The following FER variants were observed in gnomAD, a reference collection of about 807,000 sequenced individuals.
The protein encoded by FER is FER tyrosine kinase.
In FER, 63 loss-of-function variants were observed where a neutral mutation model predicts 111.0. The observed-to-expected ratio is 0.57, with a 90% CI of 0.46 to 0.70. The LOEUF is 0.70. FER is among the 30% of genes least tolerant of loss of function. The pLI is 0.00. For synonymous variants in FER, 327 were observed against 313.9 expected (o/e 1.04, Z -0.44); for missense variants, 914 against 954.0 (o/e 0.96, Z 0.55).
At chr5:108,897,986 T>A in intron 10 of FER, 138 bp downstream of exon 10, 1 of 769,814 alleles carries the variant, frequency 1.3e-6, no homozygotes, top group Non-Finnish European at 1.9e-6. Flanking sequence ...TGTTTGTAAA[T>A]GCAAAATAGA....
chr5:109,168,635 A>G (rs1016822984), intron 17 of FER, among the ~76,000 whole-genome samples: 1 of 152,180 alleles, frequency 6.6e-6, no homozygotes, highest in Admixed American at 6.6e-5. Context: ...ATTATTTATC[A>G]TAAACTGGCA....
At chr5:108,940,217 C>A (rs1756068951) in intron 10 of FER, among the ~76,000 whole-genome samples, 1 of 152,040 alleles carries the variant, frequency 6.6e-6, no homozygotes, top group Non-Finnish European at 1.5e-5. Context: ...TAGTCAAAAT[C>A]AAATCTGTAG....
At chr5:109,092,696 T>C (rs553544507) in intron 16 of FER, among the ~76,000 whole-genome samples, 6 of 152,300 alleles carry the variant, frequency 3.9e-5, no homozygotes, top group African/African-American at 1.2e-4. Context: ...GCAAACAGTA[T>C]GGAGCTTCCT....
At chr5:109,031,523 G>A (rs987391932) in intron 13 of FER, among the ~76,000 whole-genome samples, 1 of 152,110 alleles carries the variant, frequency 6.6e-6, no homozygotes, top group Non-Finnish European at 1.5e-5. Flanking sequence ...ACAATAAAGA[G>A]TATTTGGAGA....
At position 109,180,973 on chromosome 5, in the gene FER, A is replaced by G. The variant is rs1758232982; in HGVS notation, c.2203+72A>G. 2.3e-6 allele frequency: 3 copies of G among 1,304,422 alleles called. No homozygotes were observed. In the African/African-American group the frequency reaches 4.5e-5, roughly 20 times the overall value. 80.8% of individuals were successfully genotyped at this position (1,304,422 alleles called of 1,614,324 possible). On this transcript the variant is annotated intron_variant, in intron 18 of 19. Transcript: ENST00000281092. The stretch of plus-strand genomic sequence containing the variant: ...TCAGCATAAAACATTCACAAGCAAT[A>G]TTTACAGGGGTAGCACAGAATGCAA...
intron 16 of FER, among the ~76,000 whole-genome samples, chr5:109,079,747 T>A (rs550996870): frequency 1.3e-5 from 2 of 152,040 alleles, no homozygotes; most frequent in African/African-American, 4.8e-5. Context: ...ACAGAAAATA[T>A]CACATTAGAT....
At chr5:108,993,803 A>T (rs1328456997) in intron 13 of FER, among the ~76,000 whole-genome samples, 1 of 152,066 alleles carries the variant, frequency 6.6e-6, no homozygotes, top group Non-Finnish European at 1.5e-5. Flanking sequence ...TTGTGTCTTA[A>T]CTTTTGATAG....
chr5:109,039,686 G>T (rs150667744), intron 14 of FER, among the ~76,000 whole-genome samples: 1,769 of 152,200 alleles, frequency 0.012, 23 homozygotes, highest in Non-Finnish European at 0.016. Flanking sequence ...TTTGTTTGAA[G>T]AGCAAAGGAA....
At chr5:108,792,943 A>G (rs1325156650) in intron 2 of FER, among the ~76,000 whole-genome samples, 2 of 152,148 alleles carry the variant, frequency 1.3e-5, no homozygotes, top group Non-Finnish European at 2.9e-5. Flanking sequence ...TTTGATACAG[A>G]CATGCAGTGT....
At chr5:109,105,104 G>A (rs1426442163) in intron 17 of FER, among the ~76,000 whole-genome samples, 1 of 152,084 alleles carries the variant, frequency 6.6e-6, no homozygotes, top group Non-Finnish European at 1.5e-5. Flanking sequence ...AAGATTGCCA[G>A]GAAGAGAGTA....
At chr5:108,769,030 T>C (rs570619208) in intron 2 of FER, among the ~76,000 whole-genome samples, 200 of 152,296 alleles carry the variant, frequency 1.3e-3, no homozygotes, top group African/African-American at 4.3e-3. Context: ...TTTTGCCACA[T>C]TGGCCAGGCT....
At chr5:109,072,040 G>C (rs1250422724) in intron 16 of FER, among the ~76,000 whole-genome samples, 3 of 151,342 alleles carry the variant, frequency 2.0e-5, no homozygotes, top group Non-Finnish European at 4.4e-5. Flanking sequence ...AAATCAGAAA[G>C]ATATTTTAGG....
Position 109,192,709 on chromosome 5 carries a change from C to G in FER, c.*5134C>G, listed in dbSNP as rs1260087519. 1 of 152,132 alleles carries G rather than the reference C, an allele frequency of 6.6e-6. No individual in the cohort carries two copies. Among genetic ancestry groups the G allele is most frequent in the Non-Finnish European group, 1.5e-5 (1 of 68,012 alleles). The allele number at this position is 152,132 out of a possible 1,614,324, so 9.4% of individuals were successfully genotyped here. On this transcript the variant is annotated 3_prime_UTR_variant, in exon 20 of 20. Transcript: ENST00000281092. ...CTAAAGTCTCCTAAATGGGACTACA[C>G]TTAGATCCGCCCTATTTCACCTTTG...
chr5:108,834,016 A>G (rs1322030195), intron 4 of FER, among the ~76,000 whole-genome samples: 1 of 152,220 alleles, frequency 6.6e-6, no homozygotes, highest in Non-Finnish European at 1.5e-5. Context: ...GGATCCAAAT[A>G]CCATCTATAC....
chr5:109,171,472 GT>G (rs1464171754), intron 17 of FER, among the ~76,000 whole-genome samples: 5 of 152,142 alleles, frequency 3.3e-5, no homozygotes, highest in Admixed American at 3.3e-4. Flanking sequence ...AAGAGCATGG[GT>G]TATATGAAAG....
intron 1 of FER, among the ~76,000 whole-genome samples, chr5:108,767,038 T>C (rs1451084647): frequency 2.0e-5 from 3 of 152,194 alleles, no homozygotes; most frequent in Non-Finnish European, 2.9e-5. Context: ...CAGTGACCCA[T>C]GCCTGTAATC....
rs190629705 is a variant in FER, at chr5:109,149,997, C to A, written c.2049-30750C>A. On this transcript the variant is annotated intron_variant, in intron 17 of 19. Coordinates refer to ENST00000281092, the MANE Select transcript of FER (RefSeq NM_005246.4). ...TGAACCCTATTGTGAACTGCACATG[C>A]GAGAGATCTAGGTTGCGCACTCCTT... Among the ~76,000 whole-genome samples, 29 of 152,160 alleles carry A rather than the reference C, an allele frequency of 1.9e-4. No homozygotes were observed. The East Asian group carries it at 5.4e-3, about 28-fold the overall frequency.
At chr5:108,807,670 T>A (rs1163744991) in intron 3 of FER, among the ~76,000 whole-genome samples, 1 of 152,190 alleles carries the variant, frequency 6.6e-6, no homozygotes, top group Non-Finnish European at 1.5e-5. Context: ...ATCTTTAGGG[T>A]TAGTTCTTGT....
At chr5:109,186,058 T>C (rs1283844252) in intron 18 of FER, 142 bp from the exon 19 acceptor site, 3 of 1,175,436 alleles carry the variant, frequency 2.6e-6, no homozygotes, top group Non-Finnish European at 3.7e-6. Context: ...TCCATTATAC[T>C]GGGACCACTG....
Sources: allele counts gnomAD v4.1 joint callset (sites outside exome capture counted in the v4.1 genomes callset), GRCh38; gene constraint gnomAD v4.1.1; transcripts MANE v1.5; gene names NCBI Gene and HGNC (gene_info 2026-07-23, HGNC 2026-07-21).